The following GRB14 variants were observed in gnomAD, a reference collection of about 807,000 sequenced individuals.
GRB14 encodes growth factor receptor bound protein 14.
A neutral mutation model predicts 69.1 loss-of-function variants in GRB14; 38 were observed. That is an observed-to-expected ratio of 0.55 (90% CI 0.42 to 0.72). The LOEUF is 0.72. Ranked by LOEUF, GRB14 falls within the 30% of genes least tolerant of loss-of-function variation. The probability of loss-of-function intolerance (pLI) is 0.00; values close to 1 mark genes in which losing one functional copy is unlikely to be tolerated. For missense variants in GRB14, 666 were observed against 666.1 expected, an observed-to-expected ratio of 1.00 and a Z score of 0.00; for synonymous variants, 247 against 241.3, an observed-to-expected ratio of 1.02 and a Z score of -0.22.
intron 2 of GRB14, chr2:164,573,995 A>G: frequency 1.3e-6 from 2 of 1,549,774 alleles, no homozygotes; most frequent in Non-Finnish European, 1.8e-6. Flanking sequence ...GATGTTGGCC[A>G]TGAATATTGA....
intron 2 of GRB14, among the ~76,000 whole-genome samples, chr2:164,560,036 A>G (rs1266311193): frequency 6.6e-6 from 1 of 152,186 alleles, no homozygotes; most frequent in Admixed American, 6.5e-5. Flanking sequence ...AAATCCTCCC[A>G]TTTCACAAAT....
In GRB14 at chr2:164,523,006, CA is replaced by C. The variant is rs775432162; in HGVS notation, c.679-890del. Among the ~76,000 whole-genome samples, 5 of 151,852 alleles carry C rather than the reference CA, an allele frequency of 3.3e-5. No individual in the cohort carries two copies. The South Asian group carries it at 1.0e-3, about 31-fold the overall frequency. ...CTGAGACCATCACAGGTAAAAAGTC[CA>C]ATGCAACTGGAAAAGCCCTGCAGGA... On this transcript the variant is annotated intron_variant, in intron 5 of 13. Coordinates refer to ENST00000263915, the MANE Select transcript of GRB14 (RefSeq NM_004490.3).
At chr2:164,532,914 G>A (rs71426727) in intron 3 of GRB14, among the ~76,000 whole-genome samples, 15,504 of 152,180 alleles carry the variant, frequency 0.1, 924 homozygotes, top group Middle Eastern at 0.17. Context: ...ACGAGGCAGA[G>A]TTAAAGAGTT....
chr2:164,617,713 T>C (rs1206031583), intron 2 of GRB14, among the ~76,000 whole-genome samples: 1 of 152,070 alleles, frequency 6.6e-6, no homozygotes, highest in Non-Finnish European at 1.5e-5. Flanking sequence ...TATCCTTCCC[T>C]TTACTTTCCT....
intron 2 of GRB14, among the ~76,000 whole-genome samples, chr2:164,612,647 C>T (rs895125001): frequency 3.3e-5 from 5 of 151,928 alleles, no homozygotes; most frequent in Middle Eastern, 3.2e-3. Flanking sequence ...CATAAGCTGA[C>T]GTTTTTTCAA....
intron 2 of GRB14, among the ~76,000 whole-genome samples, chr2:164,576,254 T>C (rs1305189541): frequency 6.6e-6 from 1 of 151,454 alleles, no homozygotes; most frequent in African/African-American, 2.4e-5. Flanking sequence ...TTGACTGTTA[T>C]CCAACCTTCT....
intron 9 of GRB14, among the ~76,000 whole-genome samples, chr2:164,497,875 G>T (rs940759254): frequency 6.6e-6 from 1 of 152,114 alleles, no homozygotes; most frequent in Admixed American, 6.5e-5. Flanking sequence ...AAGATACATT[G>T]TTTCTGAATT....
chr2:164,506,935 A>G (rs530047282), intron 8 of GRB14, among the ~76,000 whole-genome samples: 25 of 149,826 alleles, frequency 1.7e-4, no homozygotes, highest in Non-Finnish European at 3.4e-4. Flanking sequence ...AAATCCACAC[A>G]GACAGAGGCA....
At chr2:164,566,357 T>C (rs1038611883) in intron 2 of GRB14, among the ~76,000 whole-genome samples, 3 of 152,152 alleles carry the variant, frequency 2.0e-5, no homozygotes, top group African/African-American at 7.2e-5. Context: ...TTTTCAGAGT[T>C]AAAATATCAG....
At chr2:164,521,703 TG>T (rs1687638109) in intron 6 of GRB14, among the ~76,000 whole-genome samples, 1 of 151,956 alleles carries the variant, frequency 6.6e-6, no homozygotes, top group Admixed American at 6.6e-5. Flanking sequence ...AAGCCAAGGA[TG>T]AGGAGAAAGG....
At chr2:164,575,631 G>A (rs916617822) in intron 2 of GRB14, among the ~76,000 whole-genome samples, 1 of 151,414 alleles carries the variant, frequency 6.6e-6, no homozygotes, top group Non-Finnish European at 1.5e-5. Flanking sequence ...TAAATCATAG[G>A]AGAATTCTAA....
intron 2 of GRB14, among the ~76,000 whole-genome samples, chr2:164,603,804 T>C (rs753460220): frequency 2.6e-5 from 4 of 152,262 alleles, no homozygotes; most frequent in African/African-American, 7.2e-5. Context: ...AGAAACACTA[T>C]AAACAAAGTT....
At chr2:164,493,225 C>A (rs1330689868) in intron 13 of GRB14, 43 bp from the exon 14 acceptor site, 1 of 1,569,164 alleles carries the variant, frequency 6.4e-7, no homozygotes, top group Admixed American at 1.8e-5. Context: ...GGATAAATTA[C>A]ACAGAAGGAC....
intron 6 of GRB14, among the ~76,000 whole-genome samples, chr2:164,511,167 G>A (rs1356054031): frequency 6.6e-6 from 1 of 152,154 alleles, no homozygotes; most frequent in Non-Finnish European, 1.5e-5. Context: ...AAATAGACAT[G>A]AAAGGCAGTC....
intron 2 of GRB14, among the ~76,000 whole-genome samples, chr2:164,610,918 A>AC (rs1690153773): frequency 6.6e-6 from 1 of 151,530 alleles, no homozygotes; most frequent in Admixed American, 6.6e-5. Flanking sequence ...GGTCAAAAAA[A>AC]AAAAAAAATC....
In GRB14 at chr2:164,502,312, A is replaced by T. The variant is rs1229161916; in HGVS notation, c.1047T>A (p.Asn349Lys). The change falls in exon 9 of 14, where the codon AAT becomes AAA. Residue 349 changes from asparagine (N) to lysine (K), a missense_variant. By Grantham distance (94) the Asn-to-Lys change is moderately conservative. Transcript: ENST00000263915. The part of the protein sequence containing the change: ...LLKYGMQLYQ[N>K]YMHPYQGRSG... Reference sequence around the variant, plus strand: ...TTCTACCTTGATATGGATGCATATAATTCTGGTACAGCTGCATGCCATACT... The same window carrying T: ...TTCTACCTTGATATGGATGCATATATTTCTGGTACAGCTGCATGCCATACT... The T allele has an allele frequency of 6.3e-7, 1 of 1,599,748 alleles. No individual in the cohort carries two copies. The highest frequency in any genetic ancestry group is 2.2e-5 in the East Asian group (1 of 44,702).
intron 6 of GRB14, among the ~76,000 whole-genome samples, chr2:164,509,805 A>AC (rs1687291855): frequency 6.7e-6 from 1 of 149,906 alleles, no homozygotes; most frequent in Non-Finnish European, 1.5e-5. Flanking sequence ...AAAAAAAAAA[A>AC]AAAAAAAACA....
In GRB14 at chr2:164,570,062, A is replaced by G. The variant is rs896183087; in HGVS notation, c.325-22246T>C. On this transcript the variant is annotated intron_variant, in intron 2 of 13. Coordinates refer to ENST00000263915, the MANE Select transcript of GRB14 (RefSeq NM_004490.3). The stretch of plus-strand genomic sequence containing the variant: ...TCTCAATTTAGCCTTCAAATATTAC[A>G]AAGTGTTATCTCTGCATCCTGGCTA... Among the ~76,000 whole-genome samples, 4 of 152,092 alleles carry G rather than the reference A, an allele frequency of 2.6e-5. No individual in the cohort carries two copies. The East Asian group carries it at 7.8e-4, about 29-fold the overall frequency.
At chr2:164,560,809 C>G (rs534481965) in intron 2 of GRB14, among the ~76,000 whole-genome samples, 106 of 152,200 alleles carry the variant, frequency 7.0e-4, no homozygotes, top group African/African-American at 2.4e-3. Flanking sequence ...ATATGCATGT[C>G]TGATTAGGAG....
Sources: gnomAD v4.1 joint callset for allele counts (sites outside exome capture counted in the v4.1 genomes callset) on GRCh38, gnomAD v4.1.1 for gene constraint, MANE v1.5 for transcripts, NCBI Gene and HGNC (gene_info 2026-07-23, HGNC 2026-07-21) for gene names.